PRKCH: variants seen among roughly 807,000 people sequenced by gnomAD.
The protein encoded by PRKCH is protein kinase C eta.
A neutral mutation model predicts 82.5 loss-of-function variants in PRKCH; 28 were observed. The ratio of observed to expected loss-of-function variants is 0.34; its 90% CI spans 0.25 to 0.47. The LOEUF is 0.47. Among genes scored for constraint, PRKCH ranks in the 20% least tolerant of loss-of-function variants. The pLI, the probability that PRKCH is intolerant of heterozygous loss-of-function variation, is 1.00. For missense variants in PRKCH, 705 were observed against 881.8 expected, an observed-to-expected ratio of 0.80 and a Z score of 2.54; for synonymous variants, 322 against 327.4, an observed-to-expected ratio of 0.98 and a Z score of 0.18.
intron 1 of PRKCH, among the ~76,000 whole-genome samples, chr14:61,388,446 T>G (rs539246705): frequency 1.1e-4 from 17 of 152,252 alleles, no homozygotes; most frequent in Admixed American, 9.8e-4. Context: ...TGACCCATCT[T>G]GGGGTGGAAA....
chr14:61,469,242 C>G (rs1408613973), intron 9 of PRKCH, among the ~76,000 whole-genome samples: 1 of 152,144 alleles, frequency 6.6e-6, no homozygotes, highest in East Asian at 1.9e-4. Context: ...TGGCTAGAAA[C>G]AGTTTTTTAA....
intron 1 of PRKCH, among the ~76,000 whole-genome samples, chr14:61,359,779 G>C (rs1169789421): frequency 6.6e-6 from 1 of 152,182 alleles, no homozygotes; most frequent in Non-Finnish European, 1.5e-5. Flanking sequence ...AGTTTAAATT[G>C]AATTAAAATA....
intron 10 of PRKCH, among the ~76,000 whole-genome samples, chr14:61,501,949 G>T (rs1886927384): frequency 6.6e-6 from 1 of 151,688 alleles, no homozygotes; most frequent in Non-Finnish European, 1.5e-5. Context: ...ACAAATGGTG[G>T]TATATTATCT....
At chr14:61,387,824 T>C (rs1474891653) in intron 1 of PRKCH, among the ~76,000 whole-genome samples, 1 of 152,224 alleles carries the variant, frequency 6.6e-6, no homozygotes, top group African/African-American at 2.4e-5. Flanking sequence ...CATGTTCATA[T>C]TTTCTGTTCT....
chr14:61,408,730 C>A (rs1033331919), intron 2 of PRKCH, among the ~76,000 whole-genome samples: 1 of 152,336 alleles, frequency 6.6e-6, no homozygotes, highest in East Asian at 1.9e-4. Flanking sequence ...GCCCCATTTA[C>A]TTCCATGTAC....
chr14:61,391,370 A>G (rs1430933291), intron 2 of PRKCH, 82 bp downstream of exon 2: 22 of 1,212,872 alleles, frequency 1.8e-5, no homozygotes, highest in East Asian at 1.3e-4. Context: ...TGGACATTAT[A>G]AAAAAGAGCA....
intron 1 of PRKCH, among the ~76,000 whole-genome samples, chr14:61,199,202 A>G (rs1000230759): frequency 6.6e-6 from 1 of 152,258 alleles, no homozygotes; most frequent in Admixed American, 6.5e-5. Flanking sequence ...CAGCAAAATC[A>G]CCATGACATT....
chr14:61,322,080 G>A lies in PRKCH; in HGVS notation c.-22G>A. On this transcript the variant is annotated 5_prime_UTR_variant, in exon 1 of 14. Transcript: ENST00000332981. ...CGCTGCGAAGCAGCGCGGCCCCCCG[G>A]GGCCGGGGCAGCGGCGCCGGCATGT... 6.6e-7 allele frequency: 1 copy of A among 1,522,050 alleles called. No homozygotes were observed. The highest frequency in any genetic ancestry group is 8.9e-7 in the Non-Finnish European group (1 of 1,128,662). 94.3% of individuals were successfully genotyped at this position (1,522,050 alleles called of 1,614,324 possible). A position where few individuals can be genotyped will look rare whatever the true frequency, so the allele number is the denominator to read the frequency against.
At chr14:61,378,843 CTCCA>C (rs1196142962) in intron 1 of PRKCH, among the ~76,000 whole-genome samples, 1 of 152,220 alleles carries the variant, frequency 6.6e-6, no homozygotes, top group African/African-American at 2.4e-5. Flanking sequence ...GCCCTCTCCT[CTCCA>C]TCCCTTCTAC....
chr14:61,329,101 C>A, intron 1 of PRKCH, among the ~76,000 whole-genome samples: 1 of 151,994 alleles, frequency 6.6e-6, no homozygotes, highest in East Asian at 1.9e-4. Flanking sequence ...GGAAACAATC[C>A]CTGTCCATTG....
chr14:61,198,922 C>A (rs1038871581), intron 1 of PRKCH, among the ~76,000 whole-genome samples: 2 of 152,218 alleles, frequency 1.3e-5, no homozygotes, highest in Admixed American at 6.5e-5. Context: ...ATTGACTGAG[C>A]CTGTGTCACT....
At chr14:61,483,903 T>TAC (rs1280223941) in intron 9 of PRKCH, among the ~76,000 whole-genome samples, 1 of 152,066 alleles carries the variant, frequency 6.6e-6, no homozygotes, top group African/African-American at 2.4e-5. Flanking sequence ...AAGCCGGGTG[T>TAC]GGTGGCGCAC....
chr14:61,419,719 C>T (rs561845613), intron 2 of PRKCH, among the ~76,000 whole-genome samples: 111 of 152,270 alleles, frequency 7.3e-4, no homozygotes, highest in Non-Finnish European at 9.9e-4. Flanking sequence ...ATTTTAAAAA[C>T]CTGGGACATA....
At chr14:61,404,220 A>AC (rs1329047387) in intron 2 of PRKCH, among the ~76,000 whole-genome samples, 1 of 132,314 alleles carries the variant, frequency 7.6e-6, no homozygotes, top group Non-Finnish European at 1.6e-5. Flanking sequence ...GCAGTGGATA[A>AC]CCCACTGCAT....
intron 2 of PRKCH, among the ~76,000 whole-genome samples, chr14:61,439,096 G>A (rs1242506118): frequency 1.3e-5 from 2 of 151,386 alleles, no homozygotes; most frequent in Non-Finnish European, 3.0e-5. Flanking sequence ...AGCATGTTAG[G>A]GTTGCCTGAC....
At chr14:61,259,550 C>T (rs1594878691) in intron 1 of PRKCH, among the ~76,000 whole-genome samples, 1 of 152,152 alleles carries the variant, frequency 6.6e-6, no homozygotes, top group East Asian at 1.9e-4. Flanking sequence ...AGGAGATACC[C>T]ATTTAGTCTG....
At chr14:61,214,596 A>G (rs904333798) in intron 1 of PRKCH, among the ~76,000 whole-genome samples, 13 of 152,142 alleles carry the variant, frequency 8.5e-5, no homozygotes, top group Non-Finnish European at 1.2e-4. Flanking sequence ...TCTTGGTGTC[A>G]GTATAGTCAG....
At position 61,449,245 on chromosome 14, in the gene PRKCH, A is replaced by T; in HGVS notation, c.695A>T (p.Asp232Val). ...TGCCAAAACAATATTAACAAAGTGG[A>T]TTCAAAGGTAAGAGGATAGCAGTTT... Reference protein sequence around the residue: ...CTCQNNINKVDSKIAEQRFGI... With the variant: ...CTCQNNINKVVSKIAEQRFGI... Residue 232 changes from aspartate (D) to valine (V), a missense_variant, in exon 5 of 14, where the codon GAT (aspartate) becomes GTT (valine). Physicochemically the swap from Asp to Val is radical, Grantham distance 152. Coordinates refer to ENST00000332981, the MANE Select transcript of PRKCH (RefSeq NM_006255.5). 6.2e-7 allele frequency: 1 copy of T among 1,612,220 alleles called. No homozygotes were observed.
Position 61,540,536 on chromosome 14 carries a change from A to G in PRKCH, c.1762-7207A>G, listed in dbSNP as rs79900619. ...GATGGGTCTGTTTCTCAGTTTCCTA[A>G]TCTTTAAATTAGGAATAATAACCAC... On this transcript the variant is annotated intron_variant, in intron 12 of 13. Coordinates refer to ENST00000332981, the MANE Select transcript of PRKCH (RefSeq NM_006255.5). Among the ~76,000 whole-genome samples the G allele has an allele frequency of 2.5e-3, 374 of 152,332 alleles. 3 individuals carry two copies. The highest frequency in any genetic ancestry group is 8.5e-3 in the African/African-American group (354 of 41,578).
Sources: allele counts gnomAD v4.1 joint callset (sites outside exome capture counted in the v4.1 genomes callset), GRCh38; gene constraint gnomAD v4.1.1; transcripts MANE v1.5; gene names NCBI Gene and HGNC (gene_info 2026-07-23, HGNC 2026-07-21).